Variants in ELF1 observed in about 807,000 individuals in gnomAD.
ELF1 encodes E74 like ETS transcription factor 1, also known as ETS-related transcription factor Elf-1.
In ELF1, 24 loss-of-function variants were observed where a neutral mutation model predicts 59.9. The ratio of observed to expected loss-of-function variants is 0.40; its 90% CI spans 0.29 to 0.56. The LOEUF is 0.56. Ranked by LOEUF, ELF1 falls within the 20% of genes least tolerant of loss-of-function variation. ELF1 has a pLI of 0.44. For synonymous variants in ELF1, 248 were observed against 266.2 expected, an observed-to-expected ratio of 0.93 and a Z score of 0.67; for missense variants, 627 against 742.2, an observed-to-expected ratio of 0.84 and a Z score of 1.80.
intron 1 of ELF1, among the ~76,000 whole-genome samples, chr13:41,032,300 C>T (rs537758986): frequency 6.6e-6 from 1 of 151,726 alleles, no homozygotes; most frequent in Non-Finnish European, 1.5e-5. Flanking sequence ...TCACTGCAAC[C>T]TCTGCCTCCC....
At chr13:41,033,074 G>C (rs960290423) in intron 1 of ELF1, among the ~76,000 whole-genome samples, 1 of 152,128 alleles carries the variant, frequency 6.6e-6, no homozygotes, top group South Asian at 2.1e-4. Context: ...TGATAAAAGA[G>C]AAAAGAAAGG....
chr13:41,050,818 G>A (rs530049050), intron 1 of ELF1, among the ~76,000 whole-genome samples: 2 of 152,272 alleles, frequency 1.3e-5, no homozygotes, highest in African/African-American at 4.8e-5. Context: ...CAAAGTGCTG[G>A]GACTACAGGC....
chr13:41,053,221 G>A (rs767416155), intron 1 of ELF1, among the ~76,000 whole-genome samples: 20 of 151,996 alleles, frequency 1.3e-4, no homozygotes, highest in Non-Finnish European at 2.9e-4. Context: ...GGGTATGGTG[G>A]TGCACGCCTG....
At chr13:40,998,069 C>A (rs913064661) in intron 1 of ELF1, among the ~76,000 whole-genome samples, 1 of 152,064 alleles carries the variant, frequency 6.6e-6, no homozygotes, top group Non-Finnish European at 1.5e-5. Context: ...ATCACTTCAG[C>A]CCAAAAGGTG....
intron 1 of ELF1, among the ~76,000 whole-genome samples, chr13:41,056,088 T>C (rs1239876590): frequency 6.6e-6 from 1 of 152,206 alleles, no homozygotes; most frequent in Non-Finnish European, 1.5e-5. Context: ...TATAGAGTTA[T>C]AGAACTATCA....
rs1448824520 is a variant in ELF1, at chr13:40,955,083, G to A, written c.254-3647C>T. 6.3e-4 allele frequency among the ~76,000 whole-genome samples: 95 copies of A among 149,850 alleles called. 2 individuals carry two copies. Among genetic ancestry groups the A allele is most frequent in the Non-Finnish European group, 8.6e-4 (58 of 67,276 alleles). On this transcript the variant is annotated intron_variant, in intron 3 of 8. Coordinates refer to ENST00000239882, the MANE Select transcript of ELF1 (RefSeq NM_172373.4). ...CCGCCCTGTCTGGGATGTGAGGAGC[G>A]TCTCTGCCCGGCTGCCCCGTCTGAG...
intron 1 of ELF1, among the ~76,000 whole-genome samples, chr13:41,032,892 T>C (rs1040557093): frequency 6.6e-6 from 1 of 151,330 alleles, no homozygotes; most frequent in Non-Finnish European, 1.5e-5. Context: ...CTTAGTACTA[T>C]GGTTACAATG....
chr13:41,010,138 G>T (rs1874966442), intron 1 of ELF1, among the ~76,000 whole-genome samples: 1 of 150,388 alleles, frequency 6.6e-6, no homozygotes, highest in African/African-American at 2.4e-5. Context: ...AAGCATGGTG[G>T]CTCATGCCTG....
At chr13:40,981,842 T>C in intron 2 of ELF1, 141 bp downstream of exon 2, 8 of 967,328 alleles carry the variant, frequency 8.3e-6, no homozygotes, top group Non-Finnish European at 1.2e-5. Flanking sequence ...CATAGTATAA[T>C]ATTTCCTCCA....
chr13:41,001,742 G>T (rs919982519), intron 1 of ELF1, among the ~76,000 whole-genome samples: 1 of 152,018 alleles, frequency 6.6e-6, no homozygotes, highest in Non-Finnish European at 1.5e-5. Flanking sequence ...GCAGTGGCAC[G>T]CTCCCATAGC....
At chr13:40,980,552 T>A (rs2138267401) in intron 2 of ELF1, among the ~76,000 whole-genome samples, 1 of 152,286 alleles carries the variant, frequency 6.6e-6, no homozygotes, top group Non-Finnish European at 1.5e-5. Flanking sequence ...ATGAATATGG[T>A]ACCATAATGT....
upstream of ELF1, among the ~76,000 whole-genome samples, chr13:41,020,362 T>A (rs541010935): frequency 6.6e-6 from 1 of 152,224 alleles, no homozygotes; most frequent in Non-Finnish European, 1.5e-5. Flanking sequence ...TGCAACTCAA[T>A]AGATAGCCTT....
rs1390568405 is a variant in ELF1, at chr13:40,973,450, C to CT, written c.72+8532dup. On this transcript the variant is annotated intron_variant, in intron 2 of 8. Transcript: ENST00000239882. Reference sequence around the variant, plus strand: ...CTCTAAATATGTTGAAAATGACCCTCTTTTTTAAAAAAGGCCAGTTACACT... The same window carrying CT: ...CTCTAAATATGTTGAAAATGACCCTCTTTTTTTAAAAAAGGCCAGTTACACT... Among the ~76,000 whole-genome samples, 7 of 152,212 alleles carry CT rather than the reference C, an allele frequency of 4.6e-5. No individual in the cohort carries two copies. The East Asian group carries it at 1.2e-3, about 25-fold the overall frequency.
At chr13:41,024,109 G>A (rs1224199043), upstream of ELF1, among the ~76,000 whole-genome samples, 1 of 152,078 alleles carries the variant, frequency 6.6e-6, no homozygotes, top group African/African-American at 2.4e-5. Context: ...TGTTTGTATA[G>A]ACATATTTTA....
At chr13:40,978,912 G>A (rs1343168328) in intron 2 of ELF1, among the ~76,000 whole-genome samples, 1 of 152,002 alleles carries the variant, frequency 6.6e-6, no homozygotes, top group Non-Finnish European at 1.5e-5. Flanking sequence ...GGGGGTACAT[G>A]TGCAGGTTTG....
chr13:40,982,629 T>G (rs921068741), intron 1 of ELF1, among the ~76,000 whole-genome samples: 1 of 151,912 alleles, frequency 6.6e-6, no homozygotes, highest in Non-Finnish European at 1.5e-5. Flanking sequence ...ACAATTTCCT[T>G]CTTTTCACCA....
intron 1 of ELF1, among the ~76,000 whole-genome samples, chr13:41,057,748 G>C (rs1877341737): frequency 6.6e-6 from 1 of 152,158 alleles, no homozygotes; most frequent in South Asian, 2.1e-4. Context: ...ACAGCACTCA[G>C]TGTCACTAAT....
chr13:40,939,471 C>T (rs1026508862), intron 8 of ELF1, among the ~76,000 whole-genome samples: 1 of 152,106 alleles, frequency 6.6e-6, no homozygotes, highest in African/African-American at 2.4e-5. Context: ...GCTGTGGCCA[C>T]TGTAGGTCTC....
intron 2 of ELF1, among the ~76,000 whole-genome samples, chr13:40,959,667 T>C (rs1468160204): frequency 2.0e-5 from 3 of 152,230 alleles, no homozygotes; most frequent in Non-Finnish European, 4.4e-5. Flanking sequence ...ACAAAGGCTG[T>C]GTTTTAACAA....
Sources: allele counts gnomAD v4.1 joint callset (sites outside exome capture counted in the v4.1 genomes callset), GRCh38; gene constraint gnomAD v4.1.1; transcripts MANE v1.5; gene names NCBI Gene and HGNC (gene_info 2026-07-23, HGNC 2026-07-21).